GAPT: variants seen among roughly 807,000 people sequenced by gnomAD.
The protein encoded by GAPT is protein GAPT.
For missense variants in GAPT, 206 were observed against 189.2 expected (o/e 1.09, Z -0.52); for synonymous variants, 82 against 69.7 (o/e 1.18, Z -0.88).
At chr5:58,493,377 A>G (rs1744322695) in intron 1 of GAPT, among the ~76,000 whole-genome samples, 1 of 152,194 alleles carries the variant, frequency 6.6e-6, no homozygotes, top group Admixed American at 6.5e-5. Context: ...GCATCAACAG[A>G]AAACAATGTA....
Position 58,496,581 on chromosome 5 carries a change from C to G in GAPT, c.*1571C>G, listed in dbSNP as rs1744457984. On this transcript the variant is annotated 3_prime_UTR_variant, in exon 3 of 3. Transcript: ENST00000502276. ...CTCTTTTATTTGCTCCTCTGAATTG[C>G]TTGACCTGGGCCTCTGCAAACATTT... 1 of 167,100 alleles carries G rather than the reference C, an allele frequency of 6.0e-6. No homozygotes were observed. The allele number at this position is 167,100 out of a possible 1,614,324, so 10.4% of individuals were successfully genotyped here.
At chr5:58,493,509 C>G (rs887151939) in intron 1 of GAPT, 1 of 151,968 alleles carries the variant, frequency 6.6e-6, no homozygotes, top group Non-Finnish European at 1.5e-5. Context: ...TAAACTACAC[C>G]CTTGAGTTTT....
chr5:58,497,039 C>G lies in GAPT; in HGVS notation c.*2029C>G, dbSNP rs1412854855. The stretch of plus-strand genomic sequence containing the variant: ...TCCCCTTTTTTGTTTTTCCATCCTG[C>G]CAATGCCTGTTTAGCCAATTATCTA... On this transcript the variant is annotated 3_prime_UTR_variant, in exon 3 of 3. Coordinates refer to ENST00000502276, the MANE Select transcript of GAPT (RefSeq NM_001304431.2). 1 of 167,080 alleles carries G rather than the reference C, an allele frequency of 6.0e-6. No homozygotes were observed. Among genetic ancestry groups the G allele is most frequent in the African/African-American group, 2.4e-5 (1 of 41,430 alleles). The allele number at this position is 167,080 out of a possible 1,614,324, so 10.3% of individuals were successfully genotyped here.
chr5:58,493,270 C>G (rs145421783), intron 1 of GAPT, among the ~76,000 whole-genome samples: 5 of 152,118 alleles, frequency 3.3e-5, no homozygotes, highest in African/African-American at 1.2e-4. Context: ...TATGTCTAGA[C>G]TGAAAATATA....
In GAPT at chr5:58,495,780, A is replaced by C. The variant is rs1387740487; in HGVS notation, c.*770A>C. ...TCAATCAATTACCGATGGTGTTGCC[A>C]GATTTATCTTCAGAAAATATTCCTA... is the stretch of plus-strand genomic sequence containing the variant. On this transcript the variant is annotated 3_prime_UTR_variant, in exon 3 of 3. Coordinates refer to ENST00000502276, the MANE Select transcript of GAPT (RefSeq NM_001304431.2). 6.0e-6 allele frequency: 1 copy of C among 166,550 alleles called. No individual in the cohort carries two copies. The highest frequency in any genetic ancestry group is 1.5e-5 in the Non-Finnish European group (1 of 68,114). 10.3% of individuals were successfully genotyped at this position (166,550 alleles called of 1,614,324 possible).
chr5:58,494,774 C>T lies in GAPT; in HGVS notation c.238C>T (p.His80Tyr), dbSNP rs1482499789. 2 of 1,613,842 alleles carry T rather than the reference C, an allele frequency of 1.2e-6. No individual in the cohort carries two copies. The highest frequency in any genetic ancestry group is 1.7e-6 in the Non-Finnish European group (2 of 1,179,908). ...TGAAATCTCAGTTGAAACCCAAGACCACAAATCTGCTGTCAGGGGAAATAA... is the reference window on the plus strand; with the variant it reads ...TGAAATCTCAGTTGAAACCCAAGACTACAAATCTGCTGTCAGGGGAAATAA... ...RHEISVETQDHKSAVRGNNTH... is the reference protein window; with the variant it reads ...RHEISVETQDYKSAVRGNNTH... Residue 80 changes from histidine (H) to tyrosine (Y), a missense_variant, in exon 3 of 3, where the codon CAC (histidine) becomes TAC (tyrosine). Physicochemically the swap from His to Tyr is moderately conservative, Grantham distance 83. Transcript: ENST00000502276.
At position 58,495,050 on chromosome 5, in the gene GAPT, T is replaced by C; in HGVS notation, c.*40T>C. ...GACTTTTGTTATTGGATGATAAATA[T>C]TCACTGTAATTTTTCAACAGCAAAG... On this transcript the variant is annotated 3_prime_UTR_variant, in exon 3 of 3. Coordinates refer to ENST00000502276, the MANE Select transcript of GAPT (RefSeq NM_001304431.2). The C allele has an allele frequency of 2.3e-6, 3 of 1,303,954 alleles. No individual in the cohort carries two copies. In the South Asian group the frequency reaches 4.0e-5, roughly 17 times the overall value. 80.8% of individuals were successfully genotyped at this position (1,303,954 alleles called of 1,614,324 possible). A position where few individuals can be genotyped will look rare whatever the true frequency, so the allele number is the denominator to read the frequency against.
chr5:58,495,349 TA>T lies in GAPT; in HGVS notation c.*340del. 4.3e-6 allele frequency: 1 copy of T among 231,896 alleles called. No individual in the cohort carries two copies. Among genetic ancestry groups the T allele is most frequent in the South Asian group, 7.0e-5 (1 of 14,212 alleles). 14.4% of individuals were successfully genotyped at this position (231,896 alleles called of 1,614,324 possible). A position where few individuals can be genotyped will look rare whatever the true frequency, so the allele number is the denominator to read the frequency against. ...AAAAAAAAATATCAGGTACTATGCT[TA>T]GTACACACATGATGAAATAATCTGT... On this transcript the variant is annotated 3_prime_UTR_variant, in exon 3 of 3. Transcript: ENST00000502276.
At chr5:58,491,883 G>T (rs1049933772) in intron 1 of GAPT, among the ~76,000 whole-genome samples, 7 of 152,090 alleles carry the variant, frequency 4.6e-5, no homozygotes, top group African/African-American at 1.7e-4. Flanking sequence ...CTTTCAAACT[G>T]GTCAAAGTGA....
rs1286623755 is a variant in GAPT, at chr5:58,496,204, T to A, written c.*1194T>A. The A allele has an allele frequency of 6.1e-6, 1 of 164,132 alleles. No homozygotes were observed. The highest frequency in any genetic ancestry group is 1.5e-5 in the Non-Finnish European group (1 of 68,112). The allele number at this position is 164,132 out of a possible 1,614,324, so 10.2% of individuals were successfully genotyped here. A position where few individuals can be genotyped will look rare whatever the true frequency, so the allele number is the denominator to read the frequency against. ...TACCTAGCTTCATATGAAAATGTCTTAAATTCCCACCTAAATGAAAAGAAA... is the reference window on the plus strand; with the variant it reads ...TACCTAGCTTCATATGAAAATGTCTAAAATTCCCACCTAAATGAAAAGAAA... On this transcript the variant is annotated 3_prime_UTR_variant, in exon 3 of 3. Transcript: ENST00000502276.
At chr5:58,493,397 T>A (rs935919102) in intron 1 of GAPT, among the ~76,000 whole-genome samples, 2 of 152,192 alleles carry the variant, frequency 1.3e-5, no homozygotes, top group African/African-American at 2.4e-5. Flanking sequence ...AAAATCATCT[T>A]GCATGGAAGT....
At position 58,494,783 on chromosome 5, in the gene GAPT, G is replaced by A. The variant is rs35260984; in HGVS notation, c.247G>A (p.Ala83Thr). The A allele has an allele frequency of 4.4e-3, 7,074 of 1,613,896 alleles. 241 individuals carry two copies. In the African/African-American group the frequency reaches 0.081, roughly 18 times the overall value. ...AGTTGAAACCCAAGACCACAAATCT[G>A]CTGTCAGGGGAAATAACACACACGA... is the stretch of plus-strand genomic sequence containing the variant. ...ISVETQDHKSAVRGNNTHDNY... is the reference protein window; with the variant it reads ...ISVETQDHKSTVRGNNTHDNY... Residue 83 changes from alanine to threonine, a missense_variant, in exon 3 of 3, where the codon GCT becomes ACT. Physicochemically the swap from Ala to Thr is moderately conservative, Grantham distance 58. Coordinates refer to ENST00000502276, the MANE Select transcript of GAPT (RefSeq NM_001304431.2).
chr5:58,494,923 A>G lies in GAPT; in HGVS notation c.387A>G (p.Thr129=). The G allele has an allele frequency of 6.2e-7, 1 of 1,613,994 alleles. No individual in the cohort carries two copies. Among genetic ancestry groups the G allele is most frequent in the Non-Finnish European group, 8.5e-7 (1 of 1,179,852 alleles). The change falls in exon 3 of 3, where the codon ACA becomes ACG. Residue 129 remains threonine (T), a synonymous_variant. Coordinates refer to ENST00000502276, the MANE Select transcript of GAPT (RefSeq NM_001304431.2). ...NFEEHIYGNE[T]SSDYYNFQKP... ...AGGAGCATATCTATGGAAATGAGAC[A>G]TCTTCTGACTATTATAACTTCCAGA...
rs1275633162 is a variant in GAPT, at chr5:58,496,851, C to T, written c.*1841C>T. ...ACCAGCACCAGCCAGGTGGCACCCTCCCTTAGACTCTGACAGCCAGACTCT... is the reference window on the plus strand; with the variant it reads ...ACCAGCACCAGCCAGGTGGCACCCTTCCTTAGACTCTGACAGCCAGACTCT... On this transcript the variant is annotated 3_prime_UTR_variant, in exon 3 of 3. Coordinates refer to ENST00000502276, the MANE Select transcript of GAPT (RefSeq NM_001304431.2). 1 of 167,394 alleles carries T rather than the reference C, an allele frequency of 6.0e-6. No homozygotes were observed. The highest frequency in any genetic ancestry group is 1.9e-4 in the East Asian group (1 of 5,184). The allele number at this position is 167,394 out of a possible 1,614,324, so 10.4% of individuals were successfully genotyped here.
intron 1 of GAPT, among the ~76,000 whole-genome samples, chr5:58,493,308 A>T (rs77674951): frequency 0.022 from 3,412 of 152,252 alleles, 102 homozygotes; most frequent in East Asian, 0.14. Context: ...TGATAAAATC[A>T]CAATGGAACA....
At position 58,494,541 on chromosome 5, in the gene GAPT, C is replaced by T. The variant is rs1236181925; in HGVS notation, c.5C>T (p.Ser2Leu). The T allele has an allele frequency of 6.2e-6, 10 of 1,605,086 alleles. No individual in the cohort carries two copies. Among genetic ancestry groups the T allele is most frequent in the Non-Finnish European group, 8.5e-6 (10 of 1,175,244 alleles). MSKSCGNNLAAI... is the reference protein window; with the variant it reads MLKSCGNNLAAI... ...AACAGCACTGTTTGTACAGAAATGT[C>T]GAAAAGCTGTGGAAATAATTTAGCG... The change falls in exon 3 of 3, where the codon TCG becomes TTG. Residue 2 changes from serine to leucine, a missense_variant. Ser to Leu is a moderately radical substitution (Grantham distance 145). Transcript: ENST00000502276.
rs200274555 is a variant in GAPT, at chr5:58,494,586, C to T, written c.50C>T (p.Ser17Leu). The change falls in exon 3 of 3, where the codon TCG becomes TTG. Residue 17 changes from serine to leucine, a missense_variant. By Grantham distance (145) the Ser-to-Leu change is moderately radical. Transcript: ENST00000502276. ...NNLAAISVGI[S>L]LLLLLVVCGI... ...TTAGCGGCCATTTCTGTAGGAATTT[C>T]GCTTCTTTTACTCTTAGTGGTTTGT... 3.7e-5 allele frequency: 59 copies of T among 1,612,312 alleles called. No individual in the cohort carries two copies. Among genetic ancestry groups the T allele is most frequent in the Non-Finnish European group, 4.1e-5 (48 of 1,179,270 alleles).
Position 58,495,712 on chromosome 5 carries a change from C to G in GAPT, c.*702C>G, listed in dbSNP as rs1167652159. 1 of 165,040 alleles carries G rather than the reference C, an allele frequency of 6.1e-6. No homozygotes were observed. The highest frequency in any genetic ancestry group is 2.4e-5 in the African/African-American group (1 of 41,460). The allele number at this position is 165,040 out of a possible 1,614,324, so 10.2% of individuals were successfully genotyped here. A position where few individuals can be genotyped will look rare whatever the true frequency, so the allele number is the denominator to read the frequency against. Reference sequence around the variant, plus strand: ...TCTTTATCTGGCTCAGAATTATTGTCATAGGCTCCTAACTGTTCCTCCTGC... The same window carrying G: ...TCTTTATCTGGCTCAGAATTATTGTGATAGGCTCCTAACTGTTCCTCCTGC... On this transcript the variant is annotated 3_prime_UTR_variant, in exon 3 of 3. Coordinates refer to ENST00000502276, the MANE Select transcript of GAPT (RefSeq NM_001304431.2).
At chr5:58,493,070 T>C (rs1017574193) in intron 1 of GAPT, among the ~76,000 whole-genome samples, 1 of 152,186 alleles carries the variant, frequency 6.6e-6, no homozygotes, top group African/African-American at 2.4e-5. Context: ...ACTTAACTTC[T>C]TTAAGCCTCT....
Sources: allele counts gnomAD v4.1 joint callset (sites outside exome capture counted in the v4.1 genomes callset), GRCh38; gene constraint gnomAD v4.1.1; transcripts MANE v1.5; gene names NCBI Gene and HGNC (gene_info 2026-07-23, HGNC 2026-07-21).